The following DHRS12 variants were observed in gnomAD, a reference collection of about 807,000 sequenced individuals.
DHRS12 encodes dehydrogenase/reductase SDR family member 12.
DHRS12 carries 29 observed loss-of-function variants against 32.1 expected under a neutral mutation model. The observed-to-expected ratio is 0.90, with a 90% CI of 0.67 to 1.23. The LOEUF is 1.23. DHRS12 is among the 50% of genes most tolerant of loss of function. DHRS12 has a pLI of 0.00. For missense variants in DHRS12, 330 were observed against 337.2 expected (o/e 0.98, Z 0.17); for synonymous variants, 150 against 135.9 (o/e 1.10, Z -0.72).
intron 4 of DHRS12, among the ~76,000 whole-genome samples, chr13:51,786,360 C>T (rs775681344): frequency 4.6e-5 from 7 of 152,208 alleles, no homozygotes; most frequent in Admixed American, 6.5e-5. Context: ...GCACTTAGCT[C>T]AGCCTCCCCG....
At chr13:51,766,116 G>A (rs142633969), downstream of DHRS12, 1 of 152,344 alleles carries the variant, frequency 6.6e-6, no homozygotes, top group Non-Finnish European at 1.5e-5. Flanking sequence ...CCACTATGAA[G>A]TATGGCCAAA....
At chr13:51,795,596 A>G (rs1955479521) in intron 2 of DHRS12, among the ~76,000 whole-genome samples, 1 of 152,208 alleles carries the variant, frequency 6.6e-6, no homozygotes, top group Admixed American at 6.5e-5. Flanking sequence ...GAACTCAACC[A>G]GGATTGGTGA....
intron 1 of DHRS12, 145 bp downstream of exon 1, chr13:51,803,909 G>A: frequency 1.4e-6 from 1 of 691,692 alleles, no homozygotes; most frequent in Non-Finnish European, 2.0e-6. Flanking sequence ...GCTAGACGGC[G>A]GGCGCACCCG....
In DHRS12 at chr13:51,770,739, G is replaced by A. The variant is rs1165923054; in HGVS notation, c.559+1082C>T. 3 of 1,001,358 alleles carry A rather than the reference G, an allele frequency of 3.0e-6. No homozygotes were observed. In the African/African-American group the frequency reaches 5.3e-5, roughly 18 times the overall value. The allele number at this position is 1,001,358 out of a possible 1,614,324, so 62.0% of individuals were successfully genotyped here. On this transcript the variant is annotated intron_variant, in intron 7 of 8. Transcript: ENST00000444610. Reference sequence around the variant, plus strand: ...CCAACACACACCTCTTTCTATAGGGGTGTGGTAGTTACAAAAATAAGATCA... The same window carrying A: ...CCAACACACACCTCTTTCTATAGGGATGTGGTAGTTACAAAAATAAGATCA...
the DHRS12 span, chr13:51,760,487 A>C: frequency 6.6e-6 from 1 of 152,026 alleles, no homozygotes; most frequent in Non-Finnish European, 1.5e-5. Context: ...GCTGCTCCCA[A>C]CCATGGTTAT....
intron 4 of DHRS12, among the ~76,000 whole-genome samples, chr13:51,784,337 A>G (rs1954855183): frequency 6.6e-6 from 1 of 152,230 alleles, no homozygotes; most frequent in African/African-American, 2.4e-5. Flanking sequence ...CAGCAGAGTC[A>G]CAGAGGAGCA....
Position 51,768,932 on chromosome 13 carries a change from G to C in DHRS12, c.697+224C>G, listed in dbSNP as rs1953879844. 8 of 1,397,258 alleles carry C rather than the reference G, an allele frequency of 5.7e-6. No homozygotes were observed. In the African/African-American group the frequency reaches 5.9e-5, roughly 10 times the overall value. The allele number at this position is 1,397,258 out of a possible 1,614,324, so 86.6% of individuals were successfully genotyped here. ...GCCTCTCCCGTTCTCACAGGACCTTGATGACAGGGTTATCACAAGTCTCCA... is the reference window on the plus strand; with the variant it reads ...GCCTCTCCCGTTCTCACAGGACCTTCATGACAGGGTTATCACAAGTCTCCA... On this transcript the variant is annotated intron_variant, in intron 8 of 8. Transcript: ENST00000444610.
downstream of DHRS12, chr13:51,767,867 TTCCTGCTGCCCC>T: frequency 2.3e-6 from 1 of 439,046 alleles, no homozygotes; most frequent in Non-Finnish European, 3.1e-6. Flanking sequence ...CAGGGGGGCA[TTCCTGCTGCCCC>T]CACCCCTGCG....
chr13:51,802,866 C>T (rs1250837933), intron 1 of DHRS12, among the ~76,000 whole-genome samples: 1 of 152,216 alleles, frequency 6.6e-6, no homozygotes, highest in Non-Finnish European at 1.5e-5. Flanking sequence ...CTTCTACCTT[C>T]CCTCAAGGTG....
At chr13:51,768,900 A>G in intron 8 of DHRS12, 2 of 1,373,482 alleles carry the variant, frequency 1.5e-6, no homozygotes, top group Non-Finnish European at 1.9e-6. Flanking sequence ...TTCCCAAGGT[A>G]GGAACTGCCT....
At chr13:51,794,670 A>G (rs1344796555) in intron 2 of DHRS12, among the ~76,000 whole-genome samples, 3 of 152,206 alleles carry the variant, frequency 2.0e-5, no homozygotes. Flanking sequence ...TCTAAAACCC[A>G]TAACTCCAGT....
chr13:51,780,653 T>C (rs945604734), intron 4 of DHRS12, among the ~76,000 whole-genome samples: 1 of 152,200 alleles, frequency 6.6e-6, no homozygotes, highest in Non-Finnish European at 1.5e-5. Flanking sequence ...TTTTATTACA[T>C]GGGTACATGA....
At chr13:51,764,625 G>A (rs1252826865), downstream of DHRS12, 1 of 152,288 alleles carries the variant, frequency 6.6e-6, no homozygotes, top group African/African-American at 2.4e-5. Flanking sequence ...CTCACCACGA[G>A]GGGTTTCCCC....
intron 8 of DHRS12, 54 bp downstream of exon 8, chr13:51,769,102 A>G (rs1419898716): frequency 6.5e-7 from 1 of 1,547,260 alleles, no homozygotes; most frequent in Non-Finnish European, 8.7e-7. Context: ...TCGAAGGCCC[A>G]GCTGCTGCCC....
At chr13:51,770,471 G>C (rs1264232636) in intron 7 of DHRS12, among the ~76,000 whole-genome samples, 1 of 152,202 alleles carries the variant, frequency 6.6e-6, no homozygotes, top group Non-Finnish European at 1.5e-5. Context: ...AGGGTAAGAG[G>C]CTGGGGGCCC....
At chr13:51,779,840 A>C (rs1295514289) in intron 4 of DHRS12, among the ~76,000 whole-genome samples, 1 of 152,140 alleles carries the variant, frequency 6.6e-6, no homozygotes, top group Non-Finnish European at 1.5e-5. Flanking sequence ...TGTCTCAGTT[A>C]GGAAGTCCAC....
At chr13:51,761,727 G>C in the DHRS12 span, 3 of 152,196 alleles carry the variant, frequency 2.0e-5, no homozygotes, top group Non-Finnish European at 4.4e-5. Flanking sequence ...CCCTGGGATG[G>C]GGCCTTGCTA....
the DHRS12 span, chr13:51,760,089 A>G: frequency 3.2e-5 from 8 of 247,450 alleles, no homozygotes; most frequent in Non-Finnish European, 7.7e-6. Context: ...TCAACACCCC[A>G]TTTTACTTGT....
intron 7 of DHRS12, chr13:51,771,099 T>G: frequency 1.4e-6 from 2 of 1,460,998 alleles, no homozygotes; most frequent in Non-Finnish European, 1.8e-6. Flanking sequence ...TTCCCTCATC[T>G]GTAAATGGGT....
Sources: allele counts gnomAD v4.1 joint callset (sites outside exome capture counted in the v4.1 genomes callset), GRCh38; gene constraint gnomAD v4.1.1; transcripts MANE v1.5; gene names NCBI Gene and HGNC (gene_info 2026-07-23, HGNC 2026-07-21).